The following CERS3 variants were observed in gnomAD, a reference collection of about 807,000 sequenced individuals.
CERS3 encodes the protein ceramide synthase 3, also known as LAG1 homolog, ceramide synthase 3.
In CERS3, 33 loss-of-function variants were observed where a neutral mutation model predicts 50.3. The observed-to-expected ratio is 0.66, with a 90% CI of 0.50 to 0.88. The LOEUF (loss-of-function observed/expected upper bound fraction) is 0.88, where lower values mean the gene tolerates loss of function less well. Among genes scored for constraint, CERS3 ranks in the 40% least tolerant of loss-of-function variants. CERS3 has a pLI of 0.00. For synonymous variants in CERS3, 176 were observed against 155.2 expected, an observed-to-expected ratio of 1.13 and a Z score of -0.99; for missense variants, 470 against 460.3, an observed-to-expected ratio of 1.02 and a Z score of -0.19.
chr15:100,441,542 C>T (rs916466926), intron 11 of CERS3, among the ~76,000 whole-genome samples: 1 of 151,902 alleles, frequency 6.6e-6, no homozygotes, highest in Non-Finnish European at 1.5e-5. Context: ...AACCTTCCAC[C>T]CTCCATTCCC....
At chr15:100,439,402 TGTATTCTTTGCATATTTAAA>T (rs537998609) in intron 11 of CERS3, among the ~76,000 whole-genome samples, 91 of 152,346 alleles carry the variant, frequency 6.0e-4, no homozygotes, top group African/African-American at 2.1e-3. Flanking sequence ...TTCCAAATTT[TGTATTCTTTGCATATTTAAA>T]GTTACTTACT....
intron 10 of CERS3, among the ~76,000 whole-genome samples, chr15:100,465,543 T>C (rs1234936104): frequency 6.6e-6 from 1 of 152,316 alleles, no homozygotes; most frequent in Non-Finnish European, 1.5e-5. Context: ...TGAAAATTGA[T>C]CTGCCAAACT....
chr15:100,444,951 T>C (rs11247202), intron 11 of CERS3, among the ~76,000 whole-genome samples: 68,940 of 151,036 alleles, frequency 0.46, 16,512 homozygotes, highest in Non-Finnish European at 0.54. Flanking sequence ...TTTTTTCAGG[T>C]TCTTAGTATT....
chr15:100,468,421 G>A (rs76934387), intron 10 of CERS3, among the ~76,000 whole-genome samples: 4 of 152,052 alleles, frequency 2.6e-5, no homozygotes, highest in Admixed American at 6.5e-5. Flanking sequence ...AGAAAATGCC[G>A]AATACACATG....
rs1567660619 is a variant in CERS3, at chr15:100,494,259, T to TATATATATA, written c.174-3329_174-3328insTATATATAT. ...TATATATATATATATATATATATATTTGTTTTGAGATGGAGTCTTGCACTG... is the reference window on the plus strand; with the variant it reads ...TATATATATATATATATATATATATTATATATATATGTTTTGAGATGGAGTCTTGCACTG... On this transcript the variant is annotated intron_variant, in intron 3 of 11. Coordinates refer to ENST00000679737, the MANE Select transcript of CERS3 (RefSeq NM_001378789.1). Among the ~76,000 whole-genome samples, 27 of 16,818 alleles carry TATATATATA rather than the reference T, an allele frequency of 1.6e-3. 2 individuals are homozygous for TATATATATA. Among genetic ancestry groups the TATATATATA allele is most frequent in the East Asian group, 4.8e-3 (4 of 832 alleles). The allele number at this position is 16,818 out of a possible 152,430, so 11.0% of individuals were successfully genotyped here.
chr15:100,491,893 CTTTT>C (rs35370636), intron 3 of CERS3, among the ~76,000 whole-genome samples: 1 of 146,352 alleles, frequency 6.8e-6, no homozygotes, highest in Admixed American at 6.8e-5. Flanking sequence ...TTATTGATTT[CTTTT>C]TTTTTTTTTA....
intron 11 of CERS3, among the ~76,000 whole-genome samples, chr15:100,447,698 G>A (rs1452454152): frequency 2.0e-5 from 3 of 152,180 alleles, no homozygotes; most frequent in Non-Finnish European, 4.4e-5. Flanking sequence ...CTGGTCCCTT[G>A]AGTTAATTTC....
At chr15:100,480,615 T>C (rs2035268159) in intron 5 of CERS3, among the ~76,000 whole-genome samples, 2 of 152,206 alleles carry the variant, frequency 1.3e-5, no homozygotes, top group African/African-American at 4.8e-5. Context: ...ATGGATCTTA[T>C]TTAGATCCTG....
intron 10 of CERS3, among the ~76,000 whole-genome samples, chr15:100,460,781 G>A (rs2034525174): frequency 6.6e-6 from 1 of 152,142 alleles, no homozygotes; most frequent in South Asian, 2.1e-4. Flanking sequence ...TGTTATTATT[G>A]ACAAAAGGAC....
intron 1 of CERS3, among the ~76,000 whole-genome samples, chr15:100,524,678 A>C (rs950629051): frequency 8.5e-5 from 13 of 152,236 alleles, no homozygotes; most frequent in African/African-American, 2.9e-4. Context: ...ATCATATGTC[A>C]AACAAGAAAA....
At chr15:100,406,555 T>A (rs2031041334) in intron 11 of CERS3, among the ~76,000 whole-genome samples, 1 of 151,954 alleles carries the variant, frequency 6.6e-6, no homozygotes, top group Non-Finnish European at 1.5e-5. Flanking sequence ...ACAGAAAGGG[T>A]GTCAAAATGA....
intron 10 of CERS3, among the ~76,000 whole-genome samples, chr15:100,466,285 T>C (rs1184350260): frequency 1.3e-5 from 2 of 152,162 alleles, no homozygotes; most frequent in Non-Finnish European, 2.9e-5. Flanking sequence ...CATCATGGGA[T>C]AGTCTGAGGT....
chr15:100,437,148 T>C (rs1226379560), intron 11 of CERS3, among the ~76,000 whole-genome samples: 1 of 152,090 alleles, frequency 6.6e-6, no homozygotes, highest in Non-Finnish European at 1.5e-5. Flanking sequence ...TGTTTCACCG[T>C]GTTAGCCAGG....
At chr15:100,429,404 G>C (rs187883888) in intron 11 of CERS3, among the ~76,000 whole-genome samples, 137 of 152,282 alleles carry the variant, frequency 9.0e-4, no homozygotes, top group Admixed American at 1.8e-3. Flanking sequence ...TAGACCTACA[G>C]GTTTGAAAGG....
intron 11 of CERS3, among the ~76,000 whole-genome samples, chr15:100,452,695 A>G (rs898781116): frequency 1.8e-4 from 28 of 152,110 alleles, no homozygotes; most frequent in Non-Finnish European, 3.5e-4. Flanking sequence ...AATAATTACA[A>G]AGAATCAACA....
At chr15:100,481,224 A>C (rs2035289544) in intron 5 of CERS3, among the ~76,000 whole-genome samples, 3 of 152,170 alleles carry the variant, frequency 2.0e-5, no homozygotes, top group Non-Finnish European at 2.9e-5. Context: ...CTGCACCTTG[A>C]AGTGCAGCTC....
chr15:100,441,901 T>C (rs1164038023), intron 11 of CERS3, among the ~76,000 whole-genome samples: 2 of 151,876 alleles, frequency 1.3e-5, no homozygotes, highest in African/African-American at 4.8e-5. Flanking sequence ...TGAGTCTTTC[T>C]AATCTTCCTT....
rs188330777 is a variant in CERS3, at chr15:100,500,378, G to A, written c.173+1299C>T. On this transcript the variant is annotated intron_variant, in intron 3 of 11. Transcript: ENST00000679737. ...ATTCCTTCCTGATTGTTGTTGGAGA[G>A]GCCAAGACAGGGACGTAACAAGCTG... The A allele has an allele frequency of 2.6e-4, 39 of 152,352 alleles. 1 individual carries two copies. The highest frequency in any genetic ancestry group is 9.4e-4 in the African/African-American group (39 of 41,568). 9.4% of individuals were successfully genotyped at this position (152,352 alleles called of 1,614,324 possible). A position where few individuals can be genotyped will look rare whatever the true frequency, so the allele number is the denominator to read the frequency against.
At chr15:100,466,116 C>G (rs980780145) in intron 10 of CERS3, among the ~76,000 whole-genome samples, 13 of 152,302 alleles carry the variant, frequency 8.5e-5, no homozygotes, top group Admixed American at 6.5e-4. Context: ...ACTCAATTCT[C>G]CTTGAAAACC....
Sources: allele counts gnomAD v4.1 joint callset (sites outside exome capture counted in the v4.1 genomes callset), GRCh38; gene constraint gnomAD v4.1.1; transcripts MANE v1.5; gene names NCBI Gene and HGNC (gene_info 2026-07-23, HGNC 2026-07-21).